The following COL14A1 variants were observed in gnomAD, a reference collection of about 807,000 sequenced individuals.
COL14A1 encodes collagen alpha-1(XIV) chain.
A neutral mutation model predicts 230.3 loss-of-function variants in COL14A1; 136 were observed. The ratio of observed to expected loss-of-function variants is 0.59; its 90% CI spans 0.51 to 0.68. COL14A1 has a LOEUF of 0.68. Ranked by LOEUF, COL14A1 falls within the 30% of genes least tolerant of loss-of-function variation. COL14A1 has a pLI of 0.00. For synonymous variants in COL14A1, 792 were observed against 784.1 expected, an observed-to-expected ratio of 1.01 and a Z score of -0.17; for missense variants, 1,976 against 2,215.8, an observed-to-expected ratio of 0.89 and a Z score of 2.17.
chr8:120,156,515 T>G (rs1815486082), intron 2 of COL14A1, among the ~76,000 whole-genome samples: 2 of 152,176 alleles, frequency 1.3e-5, no homozygotes, highest in South Asian at 4.1e-4. Context: ...AACAGTGCAT[T>G]TCATCTGGGG....
At chr8:120,284,425 T>C (rs1820133763) in intron 32 of COL14A1, among the ~76,000 whole-genome samples, 1 of 152,210 alleles carries the variant, frequency 6.6e-6, no homozygotes, top group Admixed American at 6.5e-5. Flanking sequence ...CTCTTGGATG[T>C]TGTACATGAT....
chr8:120,167,982 T>C (rs1018934511), intron 4 of COL14A1, among the ~76,000 whole-genome samples, 179 bp from the exon 5 acceptor site: 1 of 152,204 alleles, frequency 6.6e-6, no homozygotes, highest in African/African-American at 2.4e-5. Context: ...TGTCTTTTCA[T>C]GTCAAAGTTG....
In COL14A1 at chr8:120,195,138, A is replaced by G. The variant is rs117651217; in HGVS notation, c.437-1653A>G. ...TCTGGTAAAAGCATCTAGGTATCCC[A>G]TGAATATTTATATCTGGAAAAAGTC... is the stretch of plus-strand genomic sequence containing the variant. On this transcript the variant is annotated intron_variant, in intron 5 of 47. Transcript: ENST00000297848. 4.9e-3 allele frequency among the ~76,000 whole-genome samples: 739 copies of G among 152,302 alleles called. 4 individuals carry two copies. Among genetic ancestry groups the G allele is most frequent in the Non-Finnish European group, 7.5e-3 (508 of 68,026 alleles).
At chr8:120,295,127 C>G (rs113020256) in intron 34 of COL14A1, among the ~76,000 whole-genome samples, 1 of 151,916 alleles carries the variant, frequency 6.6e-6, no homozygotes, top group East Asian at 1.9e-4. Flanking sequence ...GAGGGCTCTA[C>G]TCAGAAATGG....
rs753186710 is a variant in COL14A1, at chr8:120,315,554, G to C, written c.4573G>C (p.Glu1525Gln). The C allele has an allele frequency of 1.9e-6, 3 of 1,613,598 alleles. No homozygotes were observed. In the South Asian group the frequency reaches 3.3e-5, roughly 18 times the overall value. Residue 1525 changes from glutamate (E) to glutamine (Q), a missense_variant, in exon 39 of 48, where the codon GAG becomes CAG. Glu to Gln is a conservative substitution (Grantham distance 29). This residue lies in a region of COL14A1 where 1,791 missense variants were observed against 2,019.5 expected (regional missense o/e 0.89). Coordinates refer to ENST00000297848, the MANE Select transcript of COL14A1 (RefSeq NM_021110.4). The part of the protein sequence containing the change: ...GMPGMPGEKG[E>Q]KGDTGLPGPQ... The stretch of plus-strand genomic sequence containing the variant: ...TCAGGGAATGCCAGGAGAAAAAGGA[G>C]AGAAAGGAGATACTGGCCTTCCAGG...
chr8:120,342,990 G>A (rs755760790), intron 44 of COL14A1, among the ~76,000 whole-genome samples: 3 of 152,072 alleles, frequency 2.0e-5, no homozygotes, highest in Non-Finnish European at 2.9e-5. Flanking sequence ...TTGCTCTGAC[G>A]TTTGATATGA....
At chr8:120,275,942 A>G (rs907901637) in intron 26 of COL14A1, among the ~76,000 whole-genome samples, 2 of 151,958 alleles carry the variant, frequency 1.3e-5, no homozygotes, top group Non-Finnish European at 2.9e-5. Flanking sequence ...AAGAACTAAA[A>G]GTAGATTTAC....
rs566039150 is a variant in COL14A1, at chr8:120,165,971, A to G, written c.350-2190A>G. Among the ~76,000 whole-genome samples, 547 of 152,276 alleles carry G rather than the reference A, an allele frequency of 3.6e-3. 3 individuals are homozygous for G. The highest frequency in any genetic ancestry group is 5.8e-3 in the Non-Finnish European group (393 of 68,016). On this transcript the variant is annotated intron_variant, in intron 4 of 47. Coordinates refer to ENST00000297848, the MANE Select transcript of COL14A1 (RefSeq NM_021110.4). ...ATTGGGGGATTTGAAGTAAGCAGGC[A>G]TGAGTTCCAGGAGGTCACACTGTGA... is the stretch of plus-strand genomic sequence containing the variant.
intron 4 of COL14A1, among the ~76,000 whole-genome samples, chr8:120,165,755 C>T (rs1314626897): frequency 1.3e-5 from 2 of 152,124 alleles, no homozygotes; most frequent in African/African-American, 2.4e-5. Context: ...TGGAGGGCAC[C>T]TCTTCAACGA....
intron 19 of COL14A1, among the ~76,000 whole-genome samples, chr8:120,241,315 C>A (rs959553227): frequency 6.6e-6 from 1 of 152,160 alleles, no homozygotes; most frequent in African/African-American, 2.4e-5. Flanking sequence ...ACTAGTCCTT[C>A]ACCACAAAGA....
In COL14A1 at chr8:120,243,981, G is replaced by A. The variant is rs556732801; in HGVS notation, c.2452G>A (p.Val818Ile). 5.6e-5 allele frequency: 91 copies of A among 1,613,082 alleles called. No homozygotes were observed. The South Asian group carries it at 6.6e-4, about 12-fold the overall frequency. Reference sequence around the variant, plus strand: ...TCCCATCTACACGGATGGCGAAGGCGTCAGCGTCTCCGCTCCTGGAAAAAC... The same window carrying A: ...TCCCATCTACACGGATGGCGAAGGCATCAGCGTCTCCGCTCCTGGAAAAAC... The part of the protein sequence containing the change: ...VTPIYTDGEG[V>I]SVSAPGKTLP... The change falls in exon 20 of 48, where the codon GTC becomes ATC. Residue 818 changes from valine to isoleucine, a missense_variant. Transcript: ENST00000297848.
At chr8:120,126,465 T>C (rs1263167570) in intron 1 of COL14A1, among the ~76,000 whole-genome samples, 4 of 152,060 alleles carry the variant, frequency 2.6e-5, no homozygotes, top group Non-Finnish European at 5.9e-5. Flanking sequence ...CTTCTGCAAG[T>C]TTTGGAGAGT....
intron 25 of COL14A1, 174 bp downstream of exon 25, chr8:120,267,057 A>G: frequency 1.7e-6 from 1 of 586,030 alleles, no homozygotes; most frequent in Non-Finnish European, 3.0e-6. Flanking sequence ...TCCATTTAAT[A>G]TCAATTCTGC....
chr8:120,199,433 C>T lies in COL14A1; in HGVS notation c.744C>T (p.Ser248=), dbSNP rs1160951200. 6.2e-7 allele frequency: 1 copy of T among 1,605,584 alleles called. No homozygotes were observed. Among genetic ancestry groups the T allele is most frequent in the Non-Finnish European group, 8.5e-7 (1 of 1,177,596 alleles). ...GLALNYIFEN[S]FKPEAGSRTG... ...CTTTGAACTACATTTTTGAAAATAGCTTCAAACCAGAAGCAGGATCAAGGA... is the reference window on the plus strand; with the variant it reads ...CTTTGAACTACATTTTTGAAAATAGTTTCAAACCAGAAGCAGGATCAAGGA... Residue 248 remains serine, a synonymous_variant, in exon 8 of 48, where the codon AGC becomes AGT. Coordinates refer to ENST00000297848, the MANE Select transcript of COL14A1 (RefSeq NM_021110.4).
rs78868063 is a variant in COL14A1, at chr8:120,341,943, C to T, written c.4822-437C>T. 1.3e-4 allele frequency among the ~76,000 whole-genome samples: 20 copies of T among 152,288 alleles called. No individual in the cohort carries two copies. In the East Asian group the frequency reaches 3.5e-3, roughly 26 times the overall value. ...CAGTGGCCTTGGGCTCATCCAATTA[C>T]CTCTGTGAAATCTTGGGCCATGTGT... On this transcript the variant is annotated intron_variant, in intron 43 of 47. Coordinates refer to ENST00000297848, the MANE Select transcript of COL14A1 (RefSeq NM_021110.4).
intron 3 of COL14A1, among the ~76,000 whole-genome samples, chr8:120,159,023 T>C (rs1388533860): frequency 1.3e-5 from 2 of 152,212 alleles, no homozygotes; most frequent in East Asian, 3.9e-4. Context: ...AGTAGTGTGA[T>C]TCAGGCAAGT....
chr8:120,211,272 G>A (rs1169439810), intron 12 of COL14A1, among the ~76,000 whole-genome samples: 1 of 152,164 alleles, frequency 6.6e-6, no homozygotes, highest in Non-Finnish European at 1.5e-5. Flanking sequence ...ATGGAAAATA[G>A]TGGTATATTT....
chr8:120,363,822 G>T (rs1416908409), intron 45 of COL14A1, among the ~76,000 whole-genome samples: 1 of 152,178 alleles, frequency 6.6e-6, no homozygotes, highest in East Asian at 1.9e-4. Context: ...AGAAAGCAAA[G>T]AATTCATTCA....
At chr8:120,355,365 T>C (rs1187428910) in intron 45 of COL14A1, among the ~76,000 whole-genome samples, 1 of 152,168 alleles carries the variant, frequency 6.6e-6, no homozygotes, top group Non-Finnish European at 1.5e-5. Context: ...AGTTTCTTTA[T>C]TCAGTTGAAA....
Sources: gnomAD v4.1 joint callset for allele counts (sites outside exome capture counted in the v4.1 genomes callset) on GRCh38, gnomAD v4.1.1 for gene constraint, gnomAD v4.1.1 regional missense constraint, MANE v1.5 for transcripts, NCBI Gene and HGNC (gene_info 2026-07-23, HGNC 2026-07-21) for gene names.